LRP1B: variants seen among roughly 807,000 people sequenced by gnomAD.
The protein encoded by LRP1B is low-density lipoprotein receptor-related protein 1B.
LRP1B carries 217 observed loss-of-function variants against 556.6 expected under a neutral mutation model. The ratio of observed to expected loss-of-function variants is 0.39; its 90% CI spans 0.35 to 0.44. LRP1B has a LOEUF of 0.44. Ranked by LOEUF, LRP1B falls within the 20% of genes least tolerant of loss-of-function variation. The probability of loss-of-function intolerance (pLI) is 1.00; values close to 1 mark genes in which losing one functional copy is unlikely to be tolerated. For synonymous variants in LRP1B, 2,047 were observed against 1,865.8 expected, an observed-to-expected ratio of 1.10 and a Z score of -2.50; for missense variants, 5,053 against 5,620.8, an observed-to-expected ratio of 0.90 and a Z score of 3.23.
At chr2:141,072,519 T>G (rs1235669861) in intron 7 of LRP1B, among the ~76,000 whole-genome samples, 1 of 152,036 alleles carries the variant, frequency 6.6e-6, no homozygotes, top group African/African-American at 2.4e-5. Context: ...AGTATGCTCT[T>G]TGTCTTCACC....
At chr2:140,610,823 G>A (rs993395869) in intron 41 of LRP1B, among the ~76,000 whole-genome samples, 3 of 152,124 alleles carry the variant, frequency 2.0e-5, no homozygotes, top group South Asian at 2.1e-4. Flanking sequence ...CGCCCGCCTC[G>A]GCCTCCCAAT....
chr2:141,650,853 T>C (rs928137853), intron 2 of LRP1B, among the ~76,000 whole-genome samples: 2 of 152,230 alleles, frequency 1.3e-5, no homozygotes, highest in Non-Finnish European at 1.5e-5. Context: ...TAAATATCTC[T>C]CATTCTACTT....
At chr2:140,544,255 G>T (rs1384524667) in intron 43 of LRP1B, among the ~76,000 whole-genome samples, 4 of 146,842 alleles carry the variant, frequency 2.7e-5, no homozygotes, top group Non-Finnish European at 6.0e-5. Flanking sequence ...GTATCACAGG[G>T]GTATTAACTT....
chr2:140,362,495 A>C (rs1682558101), intron 72 of LRP1B, among the ~76,000 whole-genome samples: 1 of 151,642 alleles, frequency 6.6e-6, no homozygotes, highest in Admixed American at 6.6e-5. Flanking sequence ...AATTTACATT[A>C]TTTCCTGTTT....
At chr2:141,113,861 C>A (rs895563746) in intron 7 of LRP1B, among the ~76,000 whole-genome samples, 7 of 152,080 alleles carry the variant, frequency 4.6e-5, no homozygotes, top group African/African-American at 7.2e-5. Context: ...ACTATTAGGA[C>A]ACTCAGATAC....
At chr2:140,783,050 C>T (rs756238761) in intron 32 of LRP1B, among the ~76,000 whole-genome samples, 3 of 152,140 alleles carry the variant, frequency 2.0e-5, no homozygotes, top group Admixed American at 6.5e-5. Flanking sequence ...CTACTCAGTG[C>T]AAACATAACT....
At chr2:141,423,088 G>C (rs550954216) in intron 3 of LRP1B, among the ~76,000 whole-genome samples, 1 of 152,240 alleles carries the variant, frequency 6.6e-6, no homozygotes, top group African/African-American at 2.4e-5. Context: ...GCGAAGAGGA[G>C]AAGAGGTATG....
At chr2:140,835,753 G>T (rs1691879379) in intron 31 of LRP1B, among the ~76,000 whole-genome samples, 2 of 151,926 alleles carry the variant, frequency 1.3e-5, no homozygotes, top group African/African-American at 2.4e-5. Context: ...TGGCAAGGCT[G>T]GTCTCAAACT....
intron 3 of LRP1B, among the ~76,000 whole-genome samples, chr2:141,445,833 T>C (rs1217049718): frequency 6.6e-6 from 1 of 152,204 alleles, no homozygotes; most frequent in South Asian, 2.1e-4. Context: ...GTATTTTACT[T>C]GCAATTATGT....
chr2:141,603,838 T>G (rs16846569), intron 2 of LRP1B, among the ~76,000 whole-genome samples: 1 of 152,260 alleles, frequency 6.6e-6, no homozygotes, highest in Non-Finnish European at 1.5e-5. Flanking sequence ...TGAAGAAAAC[T>G]TCTTGAGGAT....
At chr2:141,810,254 AT>A (rs1170893189) in intron 2 of LRP1B, 24 bp downstream of exon 2, 6 of 1,610,180 alleles carry the variant, frequency 3.7e-6, no homozygotes, top group Non-Finnish European at 5.1e-6. Flanking sequence ...GTAAATCCGA[AT>A]GGCATGAGAA....
intron 43 of LRP1B, among the ~76,000 whole-genome samples, chr2:140,561,601 C>T (rs775690372): frequency 6.6e-6 from 1 of 151,698 alleles, no homozygotes; most frequent in East Asian, 1.9e-4. Context: ...CCTTTTCAGC[C>T]CGACAGAATG....
At chr2:140,748,069 C>T (rs377287046) in intron 35 of LRP1B, among the ~76,000 whole-genome samples, 2 of 118,066 alleles carry the variant, frequency 1.7e-5, no homozygotes, top group East Asian at 2.4e-4. Context: ...AATATTATTG[C>T]TAGGAATTTT....
Position 140,322,057 on chromosome 2 carries a change from T to A in LRP1B, c.12546A>T (p.Glu4182Asp), listed in dbSNP as rs150003749. Residue 4182 changes from glutamate (E) to aspartate (D), a missense_variant, in exon 82 of 91, where the codon GAA (glutamate) becomes GAT (aspartate). Glu to Asp is a conservative substitution (Grantham distance 45). Transcript: ENST00000389484. ...LPNPCLDLAC[E>D]FLCLLNPSGA... is the part of the protein sequence containing the mutation. ...CAGAAGGATTTAGCAAGCAAAGAAA[T>A]TCGCATGCTAAATCCAAGCATGGAT... 8.7e-5 allele frequency: 140 copies of A among 1,612,860 alleles called. No homozygotes were observed. The highest frequency in any genetic ancestry group is 2.8e-5 in the Non-Finnish European group (33 of 1,179,398).
intron 46 of LRP1B, among the ~76,000 whole-genome samples, chr2:140,535,155 C>T (rs536654320): frequency 7.6e-4 from 115 of 152,180 alleles, no homozygotes; most frequent in South Asian, 4.8e-3. Context: ...ATCCACAAAA[C>T]CTAACATATT....
At chr2:141,849,140 C>A (rs986007265) in intron 1 of LRP1B, among the ~76,000 whole-genome samples, 1 of 151,530 alleles carries the variant, frequency 6.6e-6, no homozygotes, top group Non-Finnish European at 1.5e-5. Context: ...GTGCTACTAT[C>A]AATTGTTTTA....
chr2:141,653,076 T>A (rs1689860232), intron 2 of LRP1B, among the ~76,000 whole-genome samples: 1 of 152,192 alleles, frequency 6.6e-6, no homozygotes, highest in South Asian at 2.1e-4. Context: ...TATAACATGA[T>A]CTCTCAACAT....
intron 2 of LRP1B, among the ~76,000 whole-genome samples, chr2:141,780,779 C>T (rs563368620): frequency 6.6e-6 from 1 of 152,236 alleles, no homozygotes; most frequent in South Asian, 2.1e-4. Flanking sequence ...AACAATAGCA[C>T]TGCAAATGAA....
chr2:141,857,096 G>T (rs994471787), intron 1 of LRP1B, among the ~76,000 whole-genome samples: 1 of 152,004 alleles, frequency 6.6e-6, no homozygotes, highest in Admixed American at 6.6e-5. Flanking sequence ...TTGTATAATA[G>T]CCATTCCACT....
Sources: allele counts gnomAD v4.1 joint callset (sites outside exome capture counted in the v4.1 genomes callset), GRCh38; gene constraint gnomAD v4.1.1; transcripts MANE v1.5; gene names NCBI Gene and HGNC (gene_info 2026-07-23, HGNC 2026-07-21).